Variants in HDAC4 observed in about 807,000 individuals in gnomAD.
HDAC4 encodes the protein histone deacetylase A.
In HDAC4, 16 loss-of-function variants were observed where a neutral mutation model predicts 135.1. That is an observed-to-expected ratio of 0.12 (90% CI 0.08 to 0.18). HDAC4 has a LOEUF of 0.18. HDAC4 is among the 10% of genes least tolerant of loss of function. HDAC4 has a pLI of 1.00. For synonymous variants in HDAC4, 685 were observed against 653.4 expected, an observed-to-expected ratio of 1.05 and a Z score of -0.74; for missense variants, 1,143 against 1,511.8, an observed-to-expected ratio of 0.76 and a Z score of 4.05.
intron 3 of HDAC4, among the ~76,000 whole-genome samples, chr2:239,200,801 G>C (rs762082712): frequency 5.3e-5 from 8 of 152,160 alleles, no homozygotes; most frequent in Non-Finnish European, 1.2e-4. Flanking sequence ...CGCCGTGCTC[G>C]GAGTGGCGTT....
intron 12 of HDAC4, among the ~76,000 whole-genome samples, chr2:239,124,879 G>A (rs28460537): frequency 1.0e-3 from 147 of 144,732 alleles, no homozygotes; most frequent in African/African-American, 1.3e-3. Flanking sequence ...GCGTGTGGCC[G>A]CGTTATATGA....
chr2:239,172,590 A>G (rs2043524816), intron 5 of HDAC4, among the ~76,000 whole-genome samples: 1 of 152,120 alleles, frequency 6.6e-6, no homozygotes, highest in Admixed American at 6.5e-5. Context: ...TCTATATCAA[A>G]AAGCTACAAA....
At chr2:239,070,968 T>C (rs1394491062) in intron 22 of HDAC4, among the ~76,000 whole-genome samples, 5 of 150,904 alleles carry the variant, frequency 3.3e-5, no homozygotes, top group Admixed American at 2.6e-4. Flanking sequence ...GAAAAATAAG[T>C]GCCCTTTACA....
At chr2:239,227,233 C>T (rs563471697) in intron 3 of HDAC4, among the ~76,000 whole-genome samples, 1 of 152,112 alleles carries the variant, frequency 6.6e-6, no homozygotes, top group African/African-American at 2.4e-5. Flanking sequence ...GCTTACCCCA[C>T]GTGGCTGGCA....
At chr2:239,326,213 T>C (rs2053465495) in intron 2 of HDAC4, among the ~76,000 whole-genome samples, 1 of 152,062 alleles carries the variant, frequency 6.6e-6, no homozygotes, top group Non-Finnish European at 1.5e-5. Context: ...ATTCTGACCA[T>C]GCCACAATAC....
chr2:239,099,696 G>T (rs940361190), intron 16 of HDAC4, among the ~76,000 whole-genome samples: 2 of 152,168 alleles, frequency 1.3e-5, no homozygotes, highest in Non-Finnish European at 2.9e-5. Flanking sequence ...CCCCGCCTCC[G>T]CTAGGTACTC....
intron 3 of HDAC4, among the ~76,000 whole-genome samples, chr2:239,193,990 C>G (rs867827511): frequency 6.6e-6 from 1 of 152,214 alleles, no homozygotes; most frequent in Non-Finnish European, 1.5e-5. Context: ...AACGCAGGCA[C>G]CTGGCCAGAT....
In HDAC4 at chr2:239,167,120, G is replaced by GT. The variant is rs2043163657; in HGVS notation, c.491-3198dup. On this transcript the variant is annotated intron_variant, in intron 5 of 26. Transcript: ENST00000543185. The surrounding 1 kb of genome is among the most constrained non-coding windows in gnomAD (Gnocchi z 4.1). ...GGCAGCAGAGCAGGACAAGAAGCAG[G>GT]TTCTCGGTGTGCGGGACGAGGACGC... Among the ~76,000 whole-genome samples the GT allele has an allele frequency of 6.6e-6, 1 of 152,108 alleles. No individual in the cohort carries two copies. The highest frequency in any genetic ancestry group is 6.5e-5 in the Admixed American group (1 of 15,274).
At chr2:239,184,586 G>GT (rs2044392050) in intron 4 of HDAC4, among the ~76,000 whole-genome samples, 1 of 140,358 alleles carries the variant, frequency 7.1e-6, no homozygotes, top group African/African-American at 2.7e-5. Context: ...TGCCCTATCG[G>GT]GGGGGGTCCC....
At chr2:239,185,022 G>A (rs1444221430) in intron 4 of HDAC4, among the ~76,000 whole-genome samples, 23 of 87,130 alleles carry the variant, frequency 2.6e-4, no homozygotes, top group Non-Finnish European at 5.5e-4. Flanking sequence ...GCCCTGGAGG[G>A]CTGTGCCCTA....
intron 3 of HDAC4, among the ~76,000 whole-genome samples, chr2:239,213,644 G>C (rs899548231): frequency 2.0e-5 from 3 of 152,344 alleles, no homozygotes; most frequent in Non-Finnish European, 4.4e-5. Context: ...AACTCCTGAT[G>C]TGCTTACGCT....
chr2:239,313,019 G>A lies in HDAC4; in HGVS notation c.22+39659C>T, dbSNP rs1196457897. ...GGAGGCAGACGAGGTGCCGGGGGCA[G>A]CCTGCAGAGCAAGGAGTCAAGGTGG... On this transcript the variant is annotated intron_variant, in intron 2 of 26. Coordinates refer to ENST00000543185, the MANE Select transcript of HDAC4 (RefSeq NM_001378414.1). The surrounding 1 kb of genome is among the most constrained non-coding windows in gnomAD (Gnocchi z 5.1). Among the ~76,000 whole-genome samples, 1 of 152,348 alleles carries A rather than the reference G, an allele frequency of 6.6e-6. No homozygotes were observed. Among genetic ancestry groups the A allele is most frequent in the East Asian group, 1.9e-4 (1 of 5,174 alleles).
chr2:239,317,123 A>T (rs2053144205), intron 2 of HDAC4, among the ~76,000 whole-genome samples: 1 of 152,162 alleles, frequency 6.6e-6, no homozygotes, highest in African/African-American at 2.4e-5. Flanking sequence ...TTTCTTTTTC[A>T]CAGAGGCATA....
intron 13 of HDAC4, among the ~76,000 whole-genome samples, chr2:239,112,502 G>A (rs2038768569): frequency 6.6e-6 from 1 of 152,234 alleles, no homozygotes; most frequent in African/African-American, 2.4e-5. Context: ...GAGCAGGCCT[G>A]CTGGTGGGGA....
chr2:239,096,964 G>T (rs559414305), intron 16 of HDAC4, among the ~76,000 whole-genome samples: 2 of 152,154 alleles, frequency 1.3e-5, no homozygotes, highest in African/African-American at 4.8e-5. Context: ...GGAGGCAGGG[G>T]GCAGCAGCTG....
chr2:239,092,444 A>T (rs1178875107), intron 17 of HDAC4, among the ~76,000 whole-genome samples: 1 of 152,148 alleles, frequency 6.6e-6, no homozygotes, highest in African/African-American at 2.4e-5. Flanking sequence ...GATTAGGCCA[A>T]CACTGCAGGG....
chr2:239,318,115 GT>G (rs2053180265), intron 2 of HDAC4, among the ~76,000 whole-genome samples: 1 of 152,158 alleles, frequency 6.6e-6, no homozygotes, highest in Non-Finnish European at 1.5e-5. Flanking sequence ...TTGTGGGTCA[GT>G]GCTCGGGGAG....
chr2:239,134,155 T>G (rs1333987730), intron 11 of HDAC4, 90 bp downstream of exon 11: 1 of 1,024,098 alleles, frequency 9.8e-7, no homozygotes, highest in Non-Finnish European at 1.5e-6. Flanking sequence ...CGTGCATTCC[T>G]GTCTCCTCCA....
intron 4 of HDAC4, among the ~76,000 whole-genome samples, chr2:239,183,852 C>T (rs917320872): frequency 2.6e-5 from 4 of 152,070 alleles, no homozygotes; most frequent in Non-Finnish European, 4.4e-5. Context: ...TCACCTTCCT[C>T]GGCCAGGTAT....
Sources: gnomAD v4.1 joint callset for allele counts (sites outside exome capture counted in the v4.1 genomes callset) on GRCh38, gnomAD v4.1.1 for gene constraint, Gnocchi (gnomAD v3.1) non-coding constraint, MANE v1.5 for transcripts, NCBI Gene and HGNC (gene_info 2026-07-23, HGNC 2026-07-21) for gene names.